The following RIN2 variants were observed in gnomAD, a reference collection of about 807,000 sequenced individuals.
RIN2 encodes RAB5 interacting protein 2.
Under a neutral mutation model 78.0 loss-of-function variants are expected in RIN2, and 36 were observed. That is an observed-to-expected ratio of 0.46 (90% CI 0.35 to 0.61). RIN2 has a LOEUF of 0.61. Ranked by LOEUF, RIN2 falls within the 20% of genes least tolerant of loss-of-function variation. RIN2 has a pLI of 0.00. For synonymous variants in RIN2, 466 were observed against 466.8 expected, an observed-to-expected ratio of 1.00 and a Z score of 0.02; for missense variants, 1,087 against 1,159.7, an observed-to-expected ratio of 0.94 and a Z score of 0.91.
chr20:19,786,266 A>G (rs1205868185), intron 1 of RIN2, among the ~76,000 whole-genome samples: 1 of 152,190 alleles, frequency 6.6e-6, no homozygotes, highest in Non-Finnish European at 1.5e-5. Flanking sequence ...AAAGAAAAAG[A>G]TAGTGCAATT....
intron 2 of RIN2, among the ~76,000 whole-genome samples, chr20:19,878,256 G>A (rs11087294): frequency 0.16 from 24,709 of 152,010 alleles, 2,537 homozygotes; most frequent in East Asian, 0.29. Flanking sequence ...CTCTTCCCGC[G>A]TGGCCCAAGC....
intron 3 of RIN2, among the ~76,000 whole-genome samples, chr20:19,895,014 C>T (rs2038656945): frequency 6.6e-6 from 1 of 152,106 alleles, no homozygotes; most frequent in Non-Finnish European, 1.5e-5. Flanking sequence ...GGTCCAAACC[C>T]ACCAATCCCT....
At chr20:19,878,335 A>C (rs1453687707) in intron 2 of RIN2, among the ~76,000 whole-genome samples, 1 of 152,156 alleles carries the variant, frequency 6.6e-6, no homozygotes, top group Non-Finnish European at 1.5e-5. Context: ...CTCCTGGAGT[A>C]GCATCCATAG....
At chr20:19,800,739 C>T (rs761172636) in intron 2 of RIN2, among the ~76,000 whole-genome samples, 1 of 152,170 alleles carries the variant, frequency 6.6e-6, no homozygotes, top group Non-Finnish European at 1.5e-5. Context: ...ATCCCTGCTC[C>T]TATAGCAGAT....
At position 19,901,735 on chromosome 20, in the gene RIN2, G is replaced by A. The variant is rs149836002; in HGVS notation, c.57+12077G>A. 1.4e-3 allele frequency among the ~76,000 whole-genome samples: 209 copies of A among 152,246 alleles called. 1 individual carries two copies. Among genetic ancestry groups the A allele is most frequent in the South Asian group, 1.0e-2 (48 of 4,824 alleles). On this transcript the variant is annotated intron_variant, in intron 3 of 12. Coordinates refer to ENST00000255006, the MANE Select transcript of RIN2 (RefSeq NM_018993.4). ...ATATTTATGTTTAATCTAATAAACAGGTCGAGTGCGGTGGCCCACACCTGT... is the reference window on the plus strand; with the variant it reads ...ATATTTATGTTTAATCTAATAAACAAGTCGAGTGCGGTGGCCCACACCTGT...
chr20:19,791,832 C>CT (rs2122626502), intron 1 of RIN2, among the ~76,000 whole-genome samples: 1 of 152,290 alleles, frequency 6.6e-6, no homozygotes, highest in Admixed American at 6.5e-5. Context: ...ACTAGCAAGG[C>CT]TTTCTTTGCC....
Position 19,960,806 on chromosome 20 carries a change from C to G in RIN2, c.458C>G (p.Thr153Arg), listed in dbSNP as rs761042067. The G allele has an allele frequency of 4.4e-6, 7 of 1,585,174 alleles. No individual in the cohort carries two copies. Among genetic ancestry groups the G allele is most frequent in the Non-Finnish European group, 6.0e-6 (7 of 1,163,036 alleles). The change falls in exon 6 of 13, where the codon ACA becomes AGA. Residue 153 changes from threonine (T) to arginine (R), a missense_variant. Around this residue, in one of 8 missense-constraint regions of RIN2, gnomAD observed 706 missense variants for 667.5 expected, o/e 1.06. Transcript: ENST00000255006. ...PLKEFAIKESTYTFSLEGSGI... is the reference protein window; with the variant it reads ...PLKEFAIKESRYTFSLEGSGI... The stretch of plus-strand genomic sequence containing the variant: ...AAGGAATTTGCCATAAAGGAAAGCA[C>G]ATACAGTAAGTGGTCATTGGATGCT...
intron 11 of RIN2, among the ~76,000 whole-genome samples, chr20:19,995,698 G>C (rs1045989235): frequency 6.6e-6 from 1 of 152,168 alleles, no homozygotes; most frequent in African/African-American, 2.4e-5. Flanking sequence ...GGGGGGGTAA[G>C]AAAGGGAATC....
intron 1 of RIN2, among the ~76,000 whole-genome samples, chr20:19,781,875 G>A (rs1220810848): frequency 1.3e-5 from 2 of 151,636 alleles, no homozygotes; most frequent in South Asian, 2.1e-4. Context: ...GCCCCCTACA[G>A]CTAGGAATAC....
intron 2 of RIN2, among the ~76,000 whole-genome samples, chr20:19,876,142 T>TAGA (rs1485695368): frequency 7.9e-5 from 12 of 152,240 alleles, no homozygotes; most frequent in African/African-American, 2.7e-4. Context: ...TCTAGACAGA[T>TAGA]ATTTCTGAGT....
At chr20:19,808,990 G>C (rs1014497601) in intron 2 of RIN2, among the ~76,000 whole-genome samples, 2 of 152,212 alleles carry the variant, frequency 1.3e-5, no homozygotes, top group Admixed American at 1.3e-4. Flanking sequence ...CTGGTGGGGG[G>C]CCTCATGTCA....
At chr20:19,998,069 C>T (rs1399199986) in intron 12 of RIN2, among the ~76,000 whole-genome samples, 2 of 151,718 alleles carry the variant, frequency 1.3e-5, no homozygotes, top group Non-Finnish European at 2.9e-5. Context: ...ACCTCCACCT[C>T]CCAGGTTCAA....
At chr20:19,994,413 G>A (rs1373676282) in intron 11 of RIN2, among the ~76,000 whole-genome samples, 1 of 152,216 alleles carries the variant, frequency 6.6e-6, no homozygotes, top group Non-Finnish European at 1.5e-5. Context: ...GTTTAAGCAG[G>A]TATTCTCATT....
rs117628978 is a variant in RIN2 at position 19,884,155 on chromosome 20, G to A, written c.-36-5411G>A. Among the ~76,000 whole-genome samples the A allele has an allele frequency of 6.4e-3, 978 of 151,704 alleles. 7 individuals carry two copies. The highest frequency in any genetic ancestry group is 0.011 in the Non-Finnish European group (740 of 67,908). The stretch of plus-strand genomic sequence containing the variant: ...ATTAGGACCAGGCGTGGTGGTTTAC[G>A]CCTGTAATCCCAGCACTTTGGGAAG... On this transcript the variant is annotated intron_variant, in intron 2 of 12. Coordinates refer to ENST00000255006, the MANE Select transcript of RIN2 (RefSeq NM_018993.4).
intron 1 of RIN2, among the ~76,000 whole-genome samples, chr20:19,770,291 C>T (rs894073209): frequency 2.6e-5 from 4 of 152,116 alleles, no homozygotes; most frequent in African/African-American, 9.7e-5. Context: ...AGGAACTATG[C>T]AATTAAGGAT....
intron 5 of RIN2, among the ~76,000 whole-genome samples, chr20:19,959,155 C>T (rs1441391010): frequency 6.6e-6 from 1 of 152,174 alleles, no homozygotes; most frequent in East Asian, 1.9e-4. Context: ...AATGATCGAG[C>T]GTGGCTGTAT....
At chr20:19,930,557 G>A (rs1321203771) in intron 3 of RIN2, among the ~76,000 whole-genome samples, 1 of 152,166 alleles carries the variant, frequency 6.6e-6, no homozygotes, top group Non-Finnish European at 1.5e-5. Flanking sequence ...TGTGGAGAGG[G>A]AAATGTACCC....
intron 2 of RIN2, among the ~76,000 whole-genome samples, chr20:19,851,047 AAG>A (rs1568815091): frequency 1.0e-3 from 69 of 67,560 alleles, no homozygotes; most frequent in East Asian, 5.0e-3. Flanking sequence ...GGAAGGAAGG[AAG>A]GAGAAAGAAA....
intron 2 of RIN2, among the ~76,000 whole-genome samples, chr20:19,839,351 T>A (rs969414450): frequency 6.6e-6 from 1 of 152,196 alleles, no homozygotes; most frequent in Non-Finnish European, 1.5e-5. Context: ...GCCTACAGCT[T>A]TCATGGGCTA....
Sources: allele counts gnomAD v4.1 joint callset (sites outside exome capture counted in the v4.1 genomes callset), GRCh38; gene constraint gnomAD v4.1.1; regional missense constraint gnomAD v4.1.1; transcripts MANE v1.5; gene names NCBI Gene and HGNC (gene_info 2026-07-23, HGNC 2026-07-21).